Variants in CEP128 observed in about 807,000 individuals in gnomAD.
The protein encoded by CEP128 is centrosomal protein 128kDa.
In CEP128, 132 loss-of-function variants were observed where a neutral mutation model predicts 156.7. That is an observed-to-expected ratio of 0.84 (90% CI 0.73 to 0.97). The LOEUF is 0.97. Among genes scored for constraint, CEP128 ranks in the 50% least tolerant of loss-of-function variants. The pLI, the probability that CEP128 is intolerant of heterozygous loss-of-function variation, is 0.00. For missense variants in CEP128, 1,252 were observed against 1,281.9 expected (o/e 0.98, Z 0.36); for synonymous variants, 469 against 448.9 (o/e 1.04, Z -0.57).
chr14:80,951,226 G>A (rs1453745999), intron 2 of CEP128, among the ~76,000 whole-genome samples: 1 of 152,120 alleles, frequency 6.6e-6, no homozygotes, highest in Non-Finnish European at 1.5e-5. Flanking sequence ...ACTAAGGAAT[G>A]AGAAAGACCA....
intron 19 of CEP128, among the ~76,000 whole-genome samples, chr14:80,631,650 AT>A (rs1484070854): frequency 6.6e-6 from 1 of 152,070 alleles, no homozygotes; most frequent in African/African-American, 2.4e-5. Flanking sequence ...GCCTGAAGCA[AT>A]TTGTATTTTC....
At chr14:80,675,682 T>C (rs536189117) in intron 19 of CEP128, among the ~76,000 whole-genome samples, 1 of 152,208 alleles carries the variant, frequency 6.6e-6, no homozygotes, top group African/African-American at 2.4e-5. Context: ...CTGTAATTGG[T>C]CTCTTTGCTT....
intron 6 of CEP128, among the ~76,000 whole-genome samples, chr14:80,901,620 G>T (rs2139426820): frequency 6.6e-6 from 1 of 152,284 alleles, no homozygotes; most frequent in East Asian, 1.9e-4. Flanking sequence ...CTTAAGTTTT[G>T]CCATCATGAT....
intron 19 of CEP128, among the ~76,000 whole-genome samples, chr14:80,646,350 C>CTT (rs761293316): frequency 1.3e-5 from 2 of 150,192 alleles, no homozygotes; most frequent in Admixed American, 1.3e-4. Context: ...AAAATGAAGT[C>CTT]ATTTTTTTTT....
intron 19 of CEP128, among the ~76,000 whole-genome samples, chr14:80,721,613 T>C (rs1897820655): frequency 6.6e-6 from 1 of 152,242 alleles, no homozygotes; most frequent in East Asian, 1.9e-4. Context: ...TATTTTATTA[T>C]CAGAAAATTT....
At chr14:80,809,794 C>T (rs1303381865) in intron 13 of CEP128, among the ~76,000 whole-genome samples, 1 of 151,906 alleles carries the variant, frequency 6.6e-6, no homozygotes, top group Non-Finnish European at 1.5e-5. Context: ...CACAGACAAG[C>T]CAAACCTAGG....
At chr14:80,703,801 ATG>A (rs952400117) in intron 19 of CEP128, among the ~76,000 whole-genome samples, 1 of 151,900 alleles carries the variant, frequency 6.6e-6, no homozygotes, top group Non-Finnish European at 1.5e-5. Flanking sequence ...GTATATGTGT[ATG>A]TGTGTGTGTA....
chr14:80,951,927 G>A (rs1312468957), intron 2 of CEP128, among the ~76,000 whole-genome samples: 1 of 151,002 alleles, frequency 6.6e-6, no homozygotes, highest in Non-Finnish European at 1.5e-5. Flanking sequence ...ACAATGAAGA[G>A]AACAAGAAAA....
At chr14:80,910,737 T>C (rs1411245876) in intron 4 of CEP128, among the ~76,000 whole-genome samples, 1 of 151,218 alleles carries the variant, frequency 6.6e-6, no homozygotes, top group East Asian at 1.9e-4. Flanking sequence ...ATGCTTTTTC[T>C]GACTTAAGCA....
At chr14:80,796,539 T>C (rs1953589291) in intron 13 of CEP128, among the ~76,000 whole-genome samples, 2 of 152,212 alleles carry the variant, frequency 1.3e-5, no homozygotes, top group Non-Finnish European at 2.9e-5. Flanking sequence ...TCTAACTCTC[T>C]GCTTCCTTAA....
chr14:80,955,940 G>T, intron 2 of CEP128: 1 of 1,495,508 alleles, frequency 6.7e-7, no homozygotes. Context: ...CTCAATAACA[G>T]CCCGAAGTAG....
intron 23 of CEP128, among the ~76,000 whole-genome samples, chr14:80,523,347 C>T (rs1265403456): frequency 6.6e-6 from 1 of 152,228 alleles, no homozygotes; most frequent in African/African-American, 2.4e-5. Context: ...GACTCTTGAG[C>T]ATCTTTCTTT....
intron 23 of CEP128, among the ~76,000 whole-genome samples, chr14:80,505,741 G>A (rs1231643995): frequency 3.3e-5 from 5 of 152,054 alleles, no homozygotes; most frequent in South Asian, 2.1e-4. Flanking sequence ...TTTAAAATAC[G>A]TGTTTAATAT....
intron 19 of CEP128, among the ~76,000 whole-genome samples, chr14:80,642,436 A>G (rs111571963): frequency 2.0e-5 from 3 of 152,292 alleles, no homozygotes; most frequent in African/African-American, 7.2e-5. Context: ...GAAACCCCAG[A>G]CTTTGAGAGG....
Position 80,656,297 on chromosome 14 carries a change from A to T in CEP128, c.2807-75874T>A, listed in dbSNP as rs1289576912. On this transcript the variant is annotated intron_variant, in intron 19 of 24. Coordinates refer to ENST00000555265, the MANE Select transcript of CEP128 (RefSeq NM_152446.5). Reference sequence around the variant, plus strand: ...TTTTTATTTATATATATATTTATATATATATATATATATATATATATATAT... The same window carrying T: ...TTTTTATTTATATATATATTTATATTTATATATATATATATATATATATAT... 5.4e-3 allele frequency among the ~76,000 whole-genome samples: 30 copies of T among 5,522 alleles called. 2 individuals carry two copies. The highest frequency in any genetic ancestry group is 2.3e-3 in the Non-Finnish European group (8 of 3,494). The allele number at this position is 5,522 out of a possible 152,430, so 3.6% of individuals were successfully genotyped here.
At chr14:80,880,360 C>T (rs1021521056) in intron 8 of CEP128, among the ~76,000 whole-genome samples, 1 of 151,992 alleles carries the variant, frequency 6.6e-6, no homozygotes, top group East Asian at 1.9e-4. Context: ...ATGAAAAGCC[C>T]ATGGTGGACA....
chr14:80,711,326 T>C (rs1897397587), intron 19 of CEP128, among the ~76,000 whole-genome samples: 1 of 151,868 alleles, frequency 6.6e-6, no homozygotes, highest in African/African-American at 2.4e-5. Flanking sequence ...TGTGTGTGTG[T>C]GTGTGTGTCT....
At chr14:80,659,872 C>T (rs56766350) in intron 19 of CEP128, among the ~76,000 whole-genome samples, 10,230 of 152,192 alleles carry the variant, frequency 0.067, 462 homozygotes, top group East Asian at 0.21. Flanking sequence ...TCTCAATTAT[C>T]ATGACGGATT....
intron 19 of CEP128, among the ~76,000 whole-genome samples, chr14:80,702,686 T>C (rs776478944): frequency 6.6e-6 from 1 of 152,202 alleles, no homozygotes; most frequent in African/African-American, 2.4e-5. Context: ...GTTGGTATTA[T>C]GGTAGAACTA....
Sources: gnomAD v4.1 joint callset for allele counts (sites outside exome capture counted in the v4.1 genomes callset) on GRCh38, gnomAD v4.1.1 for gene constraint, MANE v1.5 for transcripts, NCBI Gene and HGNC (gene_info 2026-07-23, HGNC 2026-07-21) for gene names.